Variants in ARK2C observed in about 807,000 individuals in gnomAD.
The protein encoded by ARK2C is arkadia (RNF111) C-terminal like ring finger ubiquitin ligase 2C.
At chr18:46,419,836 TC>T in the ARK2C span, among the ~76,000 whole-genome samples, 1 of 151,948 alleles carries the variant, frequency 6.6e-6, no homozygotes, top group South Asian at 2.1e-4. Flanking sequence ...ATCTCCTCCC[TC>T]CCCCCTTCCT....
the ARK2C span, among the ~76,000 whole-genome samples, chr18:46,358,246 G>T: frequency 2.6e-5 from 4 of 152,168 alleles, no homozygotes; most frequent in Non-Finnish European, 5.9e-5. Flanking sequence ...CATGTTTTGC[G>T]CAGGCTGGGG....
At chr18:46,437,707 G>C in the ARK2C span, among the ~76,000 whole-genome samples, 1 of 152,288 alleles carries the variant, frequency 6.6e-6, no homozygotes, top group Middle Eastern at 3.4e-3. Flanking sequence ...TCTTGCCCAT[G>C]CCTAATAACT....
At chr18:46,337,177 A>G in the ARK2C span, 1 of 985,376 alleles carries the variant, frequency 1.0e-6, no homozygotes, top group South Asian at 4.7e-5. Context: ...AAAGTCCCAA[A>G]TAGCCTCCCC....
At chr18:46,438,418 G>A in the ARK2C span, among the ~76,000 whole-genome samples, 1 of 152,256 alleles carries the variant, frequency 6.6e-6, no homozygotes, top group Non-Finnish European at 1.5e-5. Flanking sequence ...CCATTTGAGG[G>A]ACAAGGTGCC....
the ARK2C span, among the ~76,000 whole-genome samples, chr18:46,384,869 C>A: frequency 6.6e-6 from 1 of 152,140 alleles, no homozygotes; most frequent in African/African-American, 2.4e-5. Context: ...TAAAATAAAA[C>A]AAAATTAAAT....
At chr18:46,402,282 A>T in the ARK2C span, among the ~76,000 whole-genome samples, 1 of 152,180 alleles carries the variant, frequency 6.6e-6, no homozygotes, top group African/African-American at 2.4e-5. Context: ...ATGTGCTAGA[A>T]TCTGTTAAAA....
At chr18:46,392,043 CATACAACACACACACCACACACAATAT>C in the ARK2C span, among the ~76,000 whole-genome samples, 3 of 148,426 alleles carry the variant, frequency 2.0e-5, no homozygotes, top group Non-Finnish European at 4.4e-5. Context: ...ACACATAATA[CATACAACACACACACCACACACAATAT>C]ATACAACACA....
the ARK2C span, chr18:46,450,743 C>A: frequency 6.2e-7 from 1 of 1,613,834 alleles, no homozygotes; most frequent in African/African-American, 1.3e-5. Context: ...TAATGTGACT[C>A]GGGGAGCTGT....
the ARK2C span, among the ~76,000 whole-genome samples, chr18:46,380,724 G>C: frequency 6.6e-6 from 1 of 152,192 alleles, no homozygotes; most frequent in African/African-American, 2.4e-5. Flanking sequence ...AACCCAGCCT[G>C]TGTGATCTGG....
the ARK2C span, among the ~76,000 whole-genome samples, chr18:46,446,662 C>T: frequency 2.8e-5 from 3 of 108,916 alleles, no homozygotes; most frequent in South Asian, 3.3e-4. Context: ...CAGAGCGAGA[C>T]TCCATCTCAA....
At chr18:46,396,127 T>C in the ARK2C span, among the ~76,000 whole-genome samples, 1 of 152,162 alleles carries the variant, frequency 6.6e-6, no homozygotes, top group Non-Finnish European at 1.5e-5. Flanking sequence ...CTTTGGGGCT[T>C]AGGCTTGGAG....
chr18:46,353,584 C>T, the ARK2C span, among the ~76,000 whole-genome samples: 1 of 152,194 alleles, frequency 6.6e-6, no homozygotes, highest in African/African-American at 2.4e-5. Flanking sequence ...CCCTTAATCC[C>T]ACTCCATCCC....
the ARK2C span, among the ~76,000 whole-genome samples, chr18:46,437,904 G>A: frequency 6.6e-6 from 1 of 152,188 alleles, no homozygotes; most frequent in African/African-American, 2.4e-5. Context: ...GGTGGGTGGA[G>A]GGTGAGCACC....
chr18:46,416,836 C>A, the ARK2C span, among the ~76,000 whole-genome samples: 1 of 152,218 alleles, frequency 6.6e-6, no homozygotes, highest in Non-Finnish European at 1.5e-5. Context: ...ACTGCAAGGT[C>A]TCTTGAGGCC....
At chr18:46,451,190 T>G in the ARK2C span, among the ~76,000 whole-genome samples, 3 of 152,120 alleles carry the variant, frequency 2.0e-5, no homozygotes, top group Non-Finnish European at 4.4e-5. Flanking sequence ...ATGTCCAATC[T>G]CACATGTGAA....
chr18:46,437,822 A>G, the ARK2C span, among the ~76,000 whole-genome samples: 2 of 152,194 alleles, frequency 1.3e-5, no homozygotes, highest in African/African-American at 4.8e-5. Flanking sequence ...ATTGTGGACT[A>G]TACCCCACTC....
At chr18:46,345,329 C>T in the ARK2C span, among the ~76,000 whole-genome samples, 818 of 152,244 alleles carry the variant, frequency 5.4e-3, 9 homozygotes, top group African/African-American at 0.019. Context: ...CGGGCAGGTG[C>T]GGTGGGAGTG....
chr18:46,438,330 G>T, the ARK2C span, among the ~76,000 whole-genome samples: 1 of 152,198 alleles, frequency 6.6e-6, no homozygotes, highest in Admixed American at 6.5e-5. Context: ...TAGGGTTCGA[G>T]GAACCACATC....
At chr18:46,363,635 G>C in the ARK2C span, among the ~76,000 whole-genome samples, 1 of 152,220 alleles carries the variant, frequency 6.6e-6, no homozygotes, top group Non-Finnish European at 1.5e-5. Flanking sequence ...ACATGGAGGA[G>C]AGCAGCTGTC....
Sources: gnomAD v4.1 joint callset for allele counts (sites outside exome capture counted in the v4.1 genomes callset) on GRCh38, gnomAD v4.1.1 for gene constraint, MANE v1.5 for transcripts, NCBI Gene and HGNC (gene_info 2026-07-23, HGNC 2026-07-21) for gene names.